PPP1R9A: variants seen among roughly 807,000 people sequenced by gnomAD.
PPP1R9A encodes the protein protein phosphatase 1 regulatory subunit 9A, also known as neurabin-1.
In PPP1R9A, 59 loss-of-function variants were observed where a neutral mutation model predicts 141.9. That is an observed-to-expected ratio of 0.42 (90% CI 0.34 to 0.52). PPP1R9A has a LOEUF of 0.52. PPP1R9A is among the 20% of genes least tolerant of loss of function. The pLI, the probability that PPP1R9A is intolerant of heterozygous loss-of-function variation, is 0.10. For synonymous variants in PPP1R9A, 500 were observed against 569.7 expected (o/e 0.88, Z 1.74); for missense variants, 1,444 against 1,611.9 (o/e 0.90, Z 1.78).
intron 2 of PPP1R9A, among the ~76,000 whole-genome samples, chr7:94,960,848 A>G (rs1377601591): frequency 6.6e-6 from 1 of 151,670 alleles, no homozygotes; most frequent in East Asian, 1.9e-4. Flanking sequence ...TGTTCATTTA[A>G]AAGATGTTTC....
chr7:94,921,235 AG>A (rs1792767192), intron 2 of PPP1R9A, among the ~76,000 whole-genome samples: 1 of 152,080 alleles, frequency 6.6e-6, no homozygotes, highest in South Asian at 2.1e-4. Flanking sequence ...TCACGAGGTC[AG>A]GAAATCGAGA....
intron 8 of PPP1R9A, among the ~76,000 whole-genome samples, chr7:95,238,356 A>C (rs1796992664): frequency 6.6e-6 from 1 of 152,256 alleles, no homozygotes. Context: ...ATAATAAGTT[A>C]GTGTCTAGGA....
At chr7:95,142,616 T>C (rs1029130643) in intron 4 of PPP1R9A, among the ~76,000 whole-genome samples, 14 of 152,130 alleles carry the variant, frequency 9.2e-5, no homozygotes, top group Admixed American at 7.9e-4. Flanking sequence ...AAAAGACTAG[T>C]CTTTTTCCAT....
chr7:95,150,882 T>C (rs561359208), intron 4 of PPP1R9A, among the ~76,000 whole-genome samples: 15 of 152,208 alleles, frequency 9.9e-5, no homozygotes, highest in African/African-American at 3.6e-4. Flanking sequence ...CCAAAGAAGA[T>C]ATACAGAAAA....
chr7:95,092,821 G>A (rs1424366183), intron 2 of PPP1R9A, among the ~76,000 whole-genome samples: 1 of 152,220 alleles, frequency 6.6e-6, no homozygotes, highest in Non-Finnish European at 1.5e-5. Context: ...TCATAGGAAA[G>A]TTCCAAGATA....
intron 4 of PPP1R9A, among the ~76,000 whole-genome samples, chr7:95,157,151 G>A (rs750819564): frequency 2.6e-5 from 4 of 152,156 alleles, no homozygotes; most frequent in Admixed American, 2.0e-4. Flanking sequence ...GCTTGACCCC[G>A]ATTTGCTCCA....
At chr7:95,275,489 T>C (rs981268349) in intron 16 of PPP1R9A, among the ~76,000 whole-genome samples, 3 of 152,150 alleles carry the variant, frequency 2.0e-5, no homozygotes, top group Non-Finnish European at 2.9e-5. Flanking sequence ...AGAATTTAAT[T>C]GATTTGCCCA....
intron 12 of PPP1R9A, among the ~76,000 whole-genome samples, chr7:95,260,243 G>T (rs1483722199): frequency 6.6e-6 from 1 of 152,174 alleles, no homozygotes; most frequent in Non-Finnish European, 1.5e-5. Flanking sequence ...TAAAACTTTT[G>T]TTGCCAAATC....
At position 95,284,074 on chromosome 7, in the gene PPP1R9A, C is replaced by A; in HGVS notation, c.3353C>A (p.Thr1118Asn). 2 of 1,597,872 alleles carry A rather than the reference C, an allele frequency of 1.3e-6. No homozygotes were observed. The highest frequency in any genetic ancestry group is 1.7e-6 in the Non-Finnish European group (2 of 1,178,382). Residue 1118 changes from threonine to asparagine, a missense_variant, in exon 17 of 20, where the codon ACC becomes AAC. By Grantham distance (65) the Thr-to-Asn change is moderately conservative. This residue lies in a region of PPP1R9A where 459 missense variants were observed against 513.8 expected (regional missense o/e 0.89). Coordinates refer to ENST00000433360, the MANE Select transcript of PPP1R9A (RefSeq NM_001166160.2). ...CCCAAGCCATGTTCAACAGCTCAGA[C>A]CTCCACTCGTTCCCCTTGCATGCCT... ...WTPKPCSTAQ[T>N]STRSPCMPFS...
intron 2 of PPP1R9A, among the ~76,000 whole-genome samples, chr7:95,094,022 A>G (rs1817689004): frequency 6.6e-6 from 1 of 152,232 alleles, no homozygotes; most frequent in Non-Finnish European, 1.5e-5. Context: ...CGGCTGATTT[A>G]TTTGAATAAA....
intron 2 of PPP1R9A, among the ~76,000 whole-genome samples, chr7:94,987,890 A>C (rs184569931): frequency 1.6e-3 from 243 of 152,190 alleles, no homozygotes; most frequent in African/African-American, 5.4e-3. Flanking sequence ...TCTCTTTGTA[A>C]AATATTAACT....
intron 2 of PPP1R9A, among the ~76,000 whole-genome samples, chr7:94,997,859 C>A (rs1447861681): frequency 1.3e-5 from 2 of 152,108 alleles, no homozygotes; most frequent in Admixed American, 1.3e-4. Flanking sequence ...CTGTGATCTA[C>A]TTGGGATTCC....
At chr7:95,111,170 CA>C in intron 2 of PPP1R9A, 88 bp from the exon 3 acceptor site, 1 of 1,302,730 alleles carries the variant, frequency 7.7e-7, no homozygotes, top group Non-Finnish European at 1.0e-6. Context: ...AGAAATTCAT[CA>C]CATGAATGTT....
chr7:95,242,461 A>G (rs536073171), intron 8 of PPP1R9A, among the ~76,000 whole-genome samples: 2 of 152,294 alleles, frequency 1.3e-5, no homozygotes, highest in South Asian at 4.1e-4. Flanking sequence ...CTCTCACAGG[A>G]TAAGTAGAGA....
At chr7:95,095,908 C>T (rs1402597126) in intron 2 of PPP1R9A, among the ~76,000 whole-genome samples, 1 of 152,074 alleles carries the variant, frequency 6.6e-6, no homozygotes, top group Non-Finnish European at 1.5e-5. Flanking sequence ...CTGGCCTCAG[C>T]TTGAAGAGTT....
Position 95,251,773 on chromosome 7 carries a change from T to C in PPP1R9A, c.2408T>C (p.Phe803Ser). The C allele has an allele frequency of 6.2e-7, 1 of 1,613,380 alleles. No homozygotes were observed. Among genetic ancestry groups the C allele is most frequent in the Non-Finnish European group, 8.5e-7 (1 of 1,179,558 alleles). The change falls in exon 11 of 20, where the codon TTC becomes TCC. Residue 803 changes from phenylalanine to serine, a missense_variant. Physicochemically the swap from Phe to Ser is radical, Grantham distance 155. Around this residue, in one of 5 missense-constraint regions of PPP1R9A, gnomAD observed 488 missense variants for 542.0 expected, o/e 0.90. Coordinates refer to ENST00000433360, the MANE Select transcript of PPP1R9A (RefSeq NM_001166160.2). The stretch of plus-strand genomic sequence containing the variant: ...ATTTTCTTCTTAAGAGAGCTTGATT[T>C]CATCAAAAGACAGGAAGCAGAAAGA... The part of the protein sequence containing the change: ...IKDFQQKELD[F>S]IKRQEAERKK...
At chr7:94,995,209 C>A (rs1802025733) in intron 2 of PPP1R9A, among the ~76,000 whole-genome samples, 2 of 152,072 alleles carry the variant, frequency 1.3e-5, no homozygotes, top group South Asian at 4.1e-4. Flanking sequence ...CTCTCATCCT[C>A]ATCTTTGGCT....
intron 12 of PPP1R9A, among the ~76,000 whole-genome samples, chr7:95,261,816 C>T (rs949657943): frequency 1.3e-5 from 2 of 152,152 alleles, no homozygotes; most frequent in African/African-American, 4.8e-5. Flanking sequence ...ACAGTCTTTG[C>T]AAGTACTTAA....
rs762684045 is a variant in PPP1R9A, at chr7:95,286,213, C to G, written c.3617C>G (p.Thr1206Ser). Residue 1206 changes from threonine to serine, a missense_variant, in exon 18 of 20, where the codon ACC (threonine) becomes AGC (serine). Thr to Ser is a moderately conservative substitution (Grantham distance 58, BLOSUM62 1). Transcript: ENST00000433360. The part of the protein sequence containing the change: ...VVWIQETNNF[T>S]FNDDFSPSST... ...CTTCATTTATTTTTACAGAATTTTA[C>G]CTTCAATGATGACTTCAGTCCCAGC... 1 of 1,612,966 alleles carries G rather than the reference C, an allele frequency of 6.2e-7. No individual in the cohort carries two copies. Among genetic ancestry groups the G allele is most frequent in the East Asian group, 2.2e-5 (1 of 44,850 alleles).
Sources: gnomAD v4.1 joint callset for allele counts (sites outside exome capture counted in the v4.1 genomes callset) on GRCh38, gnomAD v4.1.1 for gene constraint, gnomAD v4.1.1 regional missense constraint, MANE v1.5 for transcripts, NCBI Gene and HGNC (gene_info 2026-07-23, HGNC 2026-07-21) for gene names.